RREB1: variants seen among roughly 807,000 people sequenced by gnomAD.
The protein encoded by RREB1 is ras responsive element binding protein 1, also known as ras-responsive element-binding protein 1.
In RREB1, 27 loss-of-function variants were observed where a neutral mutation model predicts 117.8. The ratio of observed to expected loss-of-function variants is 0.23; its 90% CI spans 0.17 to 0.32. The LOEUF is 0.32. RREB1 is among the 10% of genes least tolerant of loss of function. The pLI is 1.00. For missense variants in RREB1, 2,577 were observed against 2,378.2 expected, an observed-to-expected ratio of 1.08 and a Z score of -1.74; for synonymous variants, 1,298 against 1,026.7, an observed-to-expected ratio of 1.26 and a Z score of -5.05.
At chr6:7,237,224 T>A (rs58360591) in intron 10 of RREB1, among the ~76,000 whole-genome samples, 3,593 of 152,154 alleles carry the variant, frequency 0.024, 134 homozygotes, top group African/African-American at 0.081. Flanking sequence ...TAGCTGGGAT[T>A]ACAGGTGCGC....
intron 12 of RREB1, 46 bp from the exon 13 acceptor site, chr6:7,248,465 A>G: frequency 6.5e-7 from 1 of 1,528,250 alleles, no homozygotes; most frequent in Non-Finnish European, 9.0e-7. Flanking sequence ...TGCAGTGGGT[A>G]CTGGTGCCTT....
At chr6:7,172,485 T>G (rs1764262263) in intron 1 of RREB1, among the ~76,000 whole-genome samples, 1 of 151,270 alleles carries the variant, frequency 6.6e-6, no homozygotes, top group Non-Finnish European at 1.5e-5. Context: ...TAACCTCAAG[T>G]GATCCTCCTG....
chr6:7,248,801 G>C lies in RREB1; in HGVS notation c.5062G>C (p.Glu1688Gln). The change falls in exon 13 of 13, where the codon GAG becomes CAG. Residue 1688 changes from glutamate to glutamine, a missense_variant. Physicochemically the swap from Glu to Gln is conservative, Grantham distance 29. Coordinates refer to ENST00000379938, the MANE Select transcript of RREB1 (RefSeq NM_001003699.4). ...ASATKDCSHR[E>Q]EKVTAGWPSE... ...TGCCACCAAGGACTGCAGCCACAGG[G>C]AGGAGAAGGTCACGGCAGGGTGGCC... is the stretch of plus-strand genomic sequence containing the variant. 6.2e-7 allele frequency: 1 copy of C among 1,613,980 alleles called. No homozygotes were observed. The highest frequency in any genetic ancestry group is 8.5e-7 in the Non-Finnish European group (1 of 1,179,958).
At chr6:7,226,383 T>C in intron 8 of RREB1, 84 bp from the exon 9 acceptor site, 1 of 983,682 alleles carries the variant, frequency 1.0e-6, no homozygotes. Flanking sequence ...AAAACTTAAG[T>C]CTGGAAGAGT....
In RREB1 at chr6:7,231,132, T is replaced by C. The variant is rs992547726; in HGVS notation, c.3033T>C (p.Pro1011=). 2.5e-6 allele frequency: 4 copies of C among 1,612,650 alleles called. No homozygotes were observed. The African/African-American group carries it at 5.3e-5, about 21-fold the overall frequency. The part of the protein sequence containing the change: ...PEPPAQPLQG[P]VQLAVPIYSS... ...CCCCAGCACAGCCCCTGCAGGGCCC[T>C]GTTCAGCTGGCGGTCCCAATCTACT... Residue 1011 remains proline, a synonymous_variant, in exon 10 of 13, where the codon CCT becomes CCC. Coordinates refer to ENST00000379938, the MANE Select transcript of RREB1 (RefSeq NM_001003699.4).
At chr6:7,172,971 C>G (rs1012782723) in intron 1 of RREB1, among the ~76,000 whole-genome samples, 1 of 152,184 alleles carries the variant, frequency 6.6e-6, no homozygotes, top group Non-Finnish European at 1.5e-5. Context: ...GTTTGTCAAG[C>G]TCCCTCCTGG....
chr6:7,155,570 C>T (rs143388469), intron 1 of RREB1, among the ~76,000 whole-genome samples: 84 of 152,362 alleles, frequency 5.5e-4, no homozygotes, highest in African/African-American at 1.9e-3. Flanking sequence ...CTCAGCCTCC[C>T]AAGGTGCTGG....
rs763628528 is a variant in RREB1 at position 7,189,167 on chromosome 6, A to G, written c.270A>G (p.Thr90=). 1.9e-6 allele frequency: 3 copies of G among 1,612,836 alleles called. No individual in the cohort carries two copies. Among genetic ancestry groups the G allele is most frequent in the Admixed American group, 1.7e-5 (1 of 59,994 alleles). ...ACCATTGCTTTCTGCAGCACAACAC[A>G]GACACTGGAGGAGCCGACCACTCAT... The part of the protein sequence containing the change: ...QLTMHIRQHN[T]DTGGADHSCS... Residue 90 remains threonine, a synonymous_variant, in exon 6 of 13, where the codon ACA becomes ACG. Transcript: ENST00000379938.
chr6:7,228,137 T>G (rs569821058), intron 9 of RREB1, among the ~76,000 whole-genome samples: 1 of 152,312 alleles, frequency 6.6e-6, no homozygotes, highest in East Asian at 1.9e-4. Context: ...ATCAACAGTG[T>G]TGTTGTTCAA....
At chr6:7,120,733 A>G (rs1761640725) in intron 1 of RREB1, among the ~76,000 whole-genome samples, 2 of 148,224 alleles carry the variant, frequency 1.3e-5, no homozygotes, top group Non-Finnish European at 3.0e-5. Context: ...TGCAGCCTCG[A>G]CCTCGTGGGC....
chr6:7,214,310 T>G (rs1448946873), intron 8 of RREB1: 1 of 152,256 alleles, frequency 6.6e-6, no homozygotes, highest in African/African-American at 2.4e-5. Flanking sequence ...GGGGTTGGCT[T>G]AACAATTTTG....
intron 1 of RREB1, among the ~76,000 whole-genome samples, chr6:7,133,907 TA>T (rs1762250982): frequency 6.6e-6 from 1 of 152,176 alleles, no homozygotes; most frequent in Non-Finnish European, 1.5e-5. Flanking sequence ...TTGTGGACAA[TA>T]AAACCCATTT....
At chr6:7,189,059 T>A in intron 5 of RREB1, 100 bp from the exon 6 acceptor site, 1 of 1,156,552 alleles carries the variant, frequency 8.6e-7, no homozygotes, top group South Asian at 1.7e-5. Flanking sequence ...GCCAAGAAAG[T>A]TGATTGGTTT....
rs1766604998 is a variant in RREB1, at chr6:7,211,555, T to G, written c.571-18T>G. On this transcript the variant is annotated intron_variant, in intron 7 of 12. Transcript: ENST00000379938. ...TGTGGGAGACCTTCATGACTTCACT[T>G]TTTTCCTTTTCCCTCAGATGGTAGA... The G allele has an allele frequency of 1.2e-6, 2 of 1,613,650 alleles. No homozygotes were observed. The highest frequency in any genetic ancestry group is 1.3e-5 in the African/African-American group (1 of 74,916).
chr6:7,201,801 A>G (rs1031279651), intron 6 of RREB1, among the ~76,000 whole-genome samples: 1 of 152,000 alleles, frequency 6.6e-6, no homozygotes, highest in Admixed American at 6.6e-5. Flanking sequence ...GCTCAAGAGG[A>G]CTGCTGTTCC....
chr6:7,172,106 T>C (rs1184182500), intron 1 of RREB1, among the ~76,000 whole-genome samples: 1 of 151,980 alleles, frequency 6.6e-6, no homozygotes, highest in East Asian at 1.9e-4. Flanking sequence ...CTACCATACC[T>C]GCCTAATATT....
At position 7,210,866 on chromosome 6, in the gene RREB1, T is replaced by C; in HGVS notation, c.488T>C (p.Leu163Pro). The C allele has an allele frequency of 1.2e-6, 2 of 1,614,120 alleles. No homozygotes were observed. Among genetic ancestry groups the C allele is most frequent in the Non-Finnish European group, 1.7e-6 (2 of 1,179,948 alleles). Residue 163 changes from leucine to proline, a missense_variant, in exon 7 of 13, where the codon CTG (leucine) becomes CCG (proline). By Grantham distance (98) the Leu-to-Pro change is moderately conservative. Coordinates refer to ENST00000379938, the MANE Select transcript of RREB1 (RefSeq NM_001003699.4). ...SATATAPPSP[L>P]KRRRLSSKRK... is the part of the protein sequence containing the mutation. ...ACAGCCACAGCCCCTCCATCTCCTC[T>C]GAAACGTAGGCGATTGTCCTCCAAG...
At chr6:7,219,244 T>C (rs1184457664) in intron 8 of RREB1, among the ~76,000 whole-genome samples, 1 of 152,146 alleles carries the variant, frequency 6.6e-6, no homozygotes, top group Non-Finnish European at 1.5e-5. Context: ...CACTCCCTCC[T>C]GGCTGACCGA....
Position 7,230,218 on chromosome 6 carries a change from C to T in RREB1, c.2119C>T (p.Pro707Ser), listed in dbSNP as rs1245892403. The change falls in exon 10 of 13, where the codon CCC (proline) becomes TCC (serine). Residue 707 changes from proline (P) to serine (S), a missense_variant. Pro to Ser is a moderately conservative substitution (Grantham distance 74). Coordinates refer to ENST00000379938, the MANE Select transcript of RREB1 (RefSeq NM_001003699.4). ...CTACATTTGCAAGATCTGCCACTACCCCTTCACTGTCAAAGCCAACTGCGA... is the reference window on the plus strand; with the variant it reads ...CTACATTTGCAAGATCTGCCACTACTCCTTCACTGTCAAAGCCAACTGCGA... The part of the protein sequence containing the change: ...RPYICKICHY[P>S]FTVKANCERH... The T allele has an allele frequency of 3.1e-6, 5 of 1,604,980 alleles. No individual in the cohort carries two copies. The highest frequency in any genetic ancestry group is 1.1e-5 in the South Asian group (1 of 91,084).
Sources: gnomAD v4.1 joint callset for allele counts (sites outside exome capture counted in the v4.1 genomes callset) on GRCh38, gnomAD v4.1.1 for gene constraint, MANE v1.5 for transcripts, NCBI Gene and HGNC (gene_info 2026-07-23, HGNC 2026-07-21) for gene names.